KLHL3: variants seen among roughly 807,000 people sequenced by gnomAD.
KLHL3 encodes the protein kelch like family member 3.
In KLHL3, 19 loss-of-function variants were observed where a neutral mutation model predicts 70.5. The observed-to-expected ratio is 0.27, with a 90% CI of 0.19 to 0.40. The LOEUF is 0.40. KLHL3 is among the 10% of genes least tolerant of loss of function. The pLI, the probability that KLHL3 is intolerant of heterozygous loss-of-function variation, is 1.00. For missense variants in KLHL3, 512 were observed against 771.1 expected, an observed-to-expected ratio of 0.66 and a Z score of 3.98; for synonymous variants, 258 against 290.3, an observed-to-expected ratio of 0.89 and a Z score of 1.13.
chr5:137,657,922 G>C (rs1162789125), intron 8 of KLHL3, among the ~76,000 whole-genome samples: 1 of 152,214 alleles, frequency 6.6e-6, no homozygotes, highest in Non-Finnish European at 1.5e-5. Flanking sequence ...TGACATTGGA[G>C]GTTACCTTGA....
intron 8 of KLHL3, chr5:137,647,655 A>G: frequency 2.2e-6 from 1 of 461,884 alleles, no homozygotes; most frequent in South Asian, 1.6e-5. Context: ...GCTAACACCA[A>G]CAATTCATCC....
intron 8 of KLHL3, among the ~76,000 whole-genome samples, chr5:137,641,833 A>C (rs1469604635): frequency 1.3e-5 from 2 of 151,918 alleles, no homozygotes; most frequent in Non-Finnish European, 2.9e-5. Flanking sequence ...AAGCATTCCA[A>C]AGGAACCCAG....
intron 8 of KLHL3, 129 bp from the exon 9 acceptor site, chr5:137,640,106 T>C (rs1750875235): frequency 1.4e-6 from 1 of 731,386 alleles, no homozygotes; most frequent in African/African-American, 1.7e-5. Context: ...CAGAGCTACA[T>C]ACATGGGGAT....
chr5:137,658,236 T>C lies in KLHL3; in HGVS notation c.798A>G (p.Lys266=). The C allele has an allele frequency of 3.7e-6, 6 of 1,613,754 alleles. No homozygotes were observed. The highest frequency in any genetic ancestry group is 5.1e-6 in the Non-Finnish European group (6 of 1,179,640). The stretch of plus-strand genomic sequence containing the variant: ...ATTTCATGGCCTCAATGAGGAAGTC[T>C]TTACAGGTGTTGTTATTCTTTATCA... ...EALIKNNNTC[K]DFLIEAMKYH... Residue 266 remains lysine (K), a synonymous_variant, in exon 8 of 15, where the codon AAA becomes AAG. Transcript: ENST00000309755.
rs562138187 is a variant in KLHL3, at chr5:137,712,192, G to A, written c.135-2336C>T. On this transcript the variant is annotated intron_variant, in intron 2 of 14. Transcript: ENST00000309755. ...AAAAAAAAAAAAAAAAGAGTAACCG[G>A]TTATATTTTTTGGTAACTAATAAGA... 2.0e-5 allele frequency among the ~76,000 whole-genome samples: 3 copies of A among 148,956 alleles called. No homozygotes were observed. The South Asian group carries it at 6.3e-4, about 32-fold the overall frequency.
intron 2 of KLHL3, among the ~76,000 whole-genome samples, chr5:137,715,002 C>T (rs1752866782): frequency 6.6e-6 from 1 of 152,172 alleles, no homozygotes; most frequent in Admixed American, 6.5e-5. Flanking sequence ...ATTCTCTCTG[C>T]CCCTTCTTTT....
intron 3 of KLHL3, among the ~76,000 whole-genome samples, chr5:137,699,302 G>A (rs1453843020): frequency 2.0e-5 from 3 of 152,162 alleles, no homozygotes; most frequent in African/African-American, 7.2e-5. Context: ...TTGGTGAAAT[G>A]GCGAGAGGTT....
chr5:137,631,103 G>A (rs1052390904), intron 12 of KLHL3, among the ~76,000 whole-genome samples: 16 of 146,300 alleles, frequency 1.1e-4, no homozygotes, highest in South Asian at 6.6e-4. Context: ...GAGAGAGAGA[G>A]AGAAAGGAAT....
rs1010125383 is a variant in KLHL3, at chr5:137,620,282, T to A, written c.*1816A>T. The A allele has an allele frequency of 1.2e-4, 19 of 152,202 alleles. No homozygotes were observed. Among genetic ancestry groups the A allele is most frequent in the African/African-American group, 4.6e-4 (19 of 41,436 alleles). 9.4% of individuals were successfully genotyped at this position (152,202 alleles called of 1,614,324 possible). A position where few individuals can be genotyped will look rare whatever the true frequency, so the allele number is the denominator to read the frequency against. On this transcript the variant is annotated 3_prime_UTR_variant, in exon 15 of 15. Transcript: ENST00000309755. ...TTGTTGAAGTAACATGTGCTTAACA[T>A]CAGAAAGAGAAGTTTTGTCTTTAGG...
At chr5:137,678,380 C>T (rs529582763) in intron 5 of KLHL3, among the ~76,000 whole-genome samples, 13 of 152,348 alleles carry the variant, frequency 8.5e-5, no homozygotes, top group African/African-American at 3.1e-4. Context: ...AATTCCTACC[C>T]TGACATTTTT....
intron 6 of KLHL3, among the ~76,000 whole-genome samples, chr5:137,676,195 A>G (rs530996617): frequency 6.6e-6 from 1 of 152,272 alleles, no homozygotes; most frequent in African/African-American, 2.4e-5. Context: ...TGACTTTTTT[A>G]TTTTAAGAAA....
intron 8 of KLHL3, among the ~76,000 whole-genome samples, chr5:137,653,576 G>A (rs1463818293): frequency 6.6e-6 from 1 of 152,106 alleles, no homozygotes; most frequent in African/African-American, 2.4e-5. Flanking sequence ...CTACTAGAAT[G>A]GCTACAATTT....
At chr5:137,692,650 G>T in intron 4 of KLHL3, 1 of 564,732 alleles carries the variant, frequency 1.8e-6, no homozygotes, top group Non-Finnish European at 3.2e-6. Context: ...CAGATTCTCT[G>T]TATCCCTACA....
Position 137,735,834 on chromosome 5 carries a change from C to T in KLHL3, c.-188G>A, listed in dbSNP as rs534448588. The T allele has an allele frequency of 2.4e-4, 173 of 729,446 alleles. No homozygotes were observed. The African/African-American group carries it at 2.7e-3, about 11-fold the overall frequency. 45.2% of individuals were successfully genotyped at this position (729,446 alleles called of 1,614,324 possible). ...CTGACTTACTCGCAGCAGCTTCTAC[C>T]GCAAAAGCAGCAGCAACAGAAAATG... On this transcript the variant is annotated 5_prime_UTR_variant, in exon 1 of 15. Coordinates refer to ENST00000309755, the MANE Select transcript of KLHL3 (RefSeq NM_017415.3).
At chr5:137,628,879 T>C (rs1750559599) in intron 12 of KLHL3, 1 of 152,588 alleles carries the variant, frequency 6.6e-6, no homozygotes, top group South Asian at 2.1e-4. Context: ...ACATTCATTT[T>C]CCTTTTTTGC....
intron 11 of KLHL3, among the ~76,000 whole-genome samples, chr5:137,637,030 C>T (rs1750783599): frequency 6.6e-6 from 1 of 152,252 alleles, no homozygotes. Context: ...GACACAGGGC[C>T]AAACCACAGG....
intron 1 of KLHL3, among the ~76,000 whole-genome samples, chr5:137,733,980 G>A (rs1485422936): frequency 6.6e-6 from 1 of 152,208 alleles, no homozygotes; most frequent in African/African-American, 2.4e-5. Context: ...CAGAGGAAAA[G>A]TACAAGAACA....
intron 8 of KLHL3, among the ~76,000 whole-genome samples, chr5:137,648,886 A>G (rs926300133): frequency 6.6e-6 from 1 of 152,150 alleles, no homozygotes; most frequent in African/African-American, 2.4e-5. Flanking sequence ...TGGAATTCCT[A>G]TGCCTGCTTC....
chr5:137,704,355 G>A (rs1173103346), intron 3 of KLHL3, among the ~76,000 whole-genome samples: 11 of 151,520 alleles, frequency 7.3e-5, no homozygotes, highest in Non-Finnish European at 1.2e-4. Context: ...ACTGCAGTCC[G>A]CAGTCCGGCC....
Sources: allele counts gnomAD v4.1 joint callset (sites outside exome capture counted in the v4.1 genomes callset), GRCh38; gene constraint gnomAD v4.1.1; transcripts MANE v1.5; gene names NCBI Gene and HGNC (gene_info 2026-07-23, HGNC 2026-07-21).